Variants in MORN1 observed in about 807,000 individuals in gnomAD.
The protein encoded by MORN1 is MORN repeat containing 1.
A neutral mutation model predicts 61.9 loss-of-function variants in MORN1; 67 were observed. The ratio of observed to expected loss-of-function variants is 1.08; its 90% confidence interval spans 0.89 to 1.33. MORN1 has a LOEUF of 1.33. MORN1 is among the 40% of genes most tolerant of loss of function. The pLI is 0.00. For synonymous variants in MORN1, 301 were observed against 292.0 expected (o/e 1.03, Z -0.31); for missense variants, 752 against 691.2 (o/e 1.09, Z -0.99).
intron 10 of MORN1, among the ~76,000 whole-genome samples, chr1:2,348,777 GCACA>G (rs112331454): frequency 0.024 from 3,272 of 137,552 alleles, 180 homozygotes; most frequent in African/African-American, 0.091. Context: ...GCGCAGGCAC[GCACA>G]CACACGCACG....
At chr1:2,387,111 T>C in intron 4 of MORN1, 1 of 414,874 alleles carries the variant, frequency 2.4e-6, no homozygotes, top group South Asian at 2.9e-5. Context: ...GCCAACCTAC[T>C]GACCCCAGGA....
At chr1:2,340,901 T>C (rs1641380172) in intron 10 of MORN1, among the ~76,000 whole-genome samples, 1 of 152,156 alleles carries the variant, frequency 6.6e-6, no homozygotes, top group Non-Finnish European at 1.5e-5. Context: ...GACGGCCACA[T>C]AGGCCATGGC....
At chr1:2,358,404 G>A (rs1391332096) in intron 9 of MORN1, among the ~76,000 whole-genome samples, 188 bp downstream of exon 9, 1 of 152,154 alleles carries the variant, frequency 6.6e-6, no homozygotes, top group Non-Finnish European at 1.5e-5. Flanking sequence ...AAGGCAAGAG[G>A]GGCCACAGCA....
intron 10 of MORN1, chr1:2,352,594 C>G (rs896818231): frequency 6.6e-6 from 1 of 152,348 alleles, no homozygotes; most frequent in Non-Finnish European, 1.5e-5. Context: ...GTCCTGCTCT[C>G]TGACTGTGGC....
chr1:2,339,672 A>AT (rs1439282250), intron 10 of MORN1, among the ~76,000 whole-genome samples: 2 of 151,740 alleles, frequency 1.3e-5, no homozygotes, highest in Non-Finnish European at 2.9e-5. Context: ...AGTCGCTGGC[A>AT]CTGCCCTCAG....
At chr1:2,323,385 C>A in intron 13 of MORN1, 1 of 985,446 alleles carries the variant, frequency 1.0e-6, no homozygotes, top group Non-Finnish European at 1.2e-6. Context: ...CAGCCAGAAC[C>A]CCAGAGACAC....
chr1:2,340,781 C>T (rs917350558), intron 10 of MORN1, among the ~76,000 whole-genome samples: 1 of 152,174 alleles, frequency 6.6e-6, no homozygotes, highest in Non-Finnish European at 1.5e-5. Flanking sequence ...GCCACACAGG[C>T]CACCACGCAG....
chr1:2,328,156 C>T (rs533738446), intron 12 of MORN1, among the ~76,000 whole-genome samples: 4 of 152,402 alleles, frequency 2.6e-5, no homozygotes, highest in African/African-American at 9.6e-5. Context: ...CTCAGTCTTC[C>T]AGTCCATGAC....
intron 10 of MORN1, among the ~76,000 whole-genome samples, chr1:2,348,853 GCA>G (rs1300762910): frequency 7.9e-5 from 12 of 151,882 alleles, no homozygotes; most frequent in Admixed American, 1.3e-4. Flanking sequence ...GCGCGGGCAC[GCA>G]CAGTCATGTG....
chr1:2,336,891 G>T (rs1309658942), intron 10 of MORN1, 41 bp from the exon 11 acceptor site: 2 of 1,498,336 alleles, frequency 1.3e-6, no homozygotes, highest in African/African-American at 2.8e-5. Context: ...GAGGGGCTCA[G>T]GGCGGAGACG....
Position 2,372,445 on chromosome 1 carries a change from G to T in MORN1, c.745+36C>A. ...AGAACCTGCTGCCTGTTTCTCTTTTGGAAACGTTAGGTCATCTCCCCCTGG... is the reference window on the plus strand; with the variant it reads ...AGAACCTGCTGCCTGTTTCTCTTTTTGAAACGTTAGGTCATCTCCCCCTGG... On this transcript the variant is annotated intron_variant, in intron 8 of 13. Transcript: ENST00000378531. This position sits in a 1 kb window ranked among gnomAD's most constrained non-coding sequence, Gnocchi z 5.4. 1 of 1,515,456 alleles carries T rather than the reference G, an allele frequency of 6.6e-7. No individual in the cohort carries two copies. Among genetic ancestry groups the T allele is most frequent in the Non-Finnish European group, 9.1e-7 (1 of 1,102,318 alleles). 93.9% of individuals were successfully genotyped at this position (1,515,456 alleles called of 1,614,324 possible).
chr1:2,371,856 C>T (rs565244628), intron 8 of MORN1: 4 of 174,480 alleles, frequency 2.3e-5, no homozygotes, highest in East Asian at 3.8e-4. Flanking sequence ...TGCGGAGAGC[C>T]GACATTGCAC....
intron 6 of MORN1, among the ~76,000 whole-genome samples, chr1:2,383,101 C>A (rs1642408978): frequency 6.6e-6 from 1 of 152,210 alleles, no homozygotes; most frequent in Non-Finnish European, 1.5e-5. Context: ...ATGCCAACTG[C>A]CAACCCATCA....
chr1:2,390,481 C>A (rs552024602), intron 1 of MORN1: 4 of 985,290 alleles, frequency 4.1e-6, no homozygotes, highest in Non-Finnish European at 4.8e-6. Flanking sequence ...ATGGCCTGGC[C>A]GGCTTCATCT....
At chr1:2,385,541 A>G in intron 5 of MORN1, 1 of 182,500 alleles carries the variant, frequency 5.5e-6, no homozygotes, top group Non-Finnish European at 9.2e-6. Flanking sequence ...CTCAGGAGGT[A>G]TTTTAATCGG....
rs376880516 is a variant in MORN1, at chr1:2,390,133, G to A, written c.77-137C>T. ...ACGTCACCTTCAGCAGACCAGAGGC[G>A]ACCTGTGGGGCTCATGAGCTCTCCT... is the stretch of plus-strand genomic sequence containing the variant. On this transcript the variant is annotated intron_variant, in intron 1 of 13. Coordinates refer to ENST00000378531, the MANE Select transcript of MORN1 (RefSeq NM_024848.3). 35 of 753,652 alleles carry A rather than the reference G, an allele frequency of 4.6e-5. No individual in the cohort carries two copies. The East Asian group carries it at 5.0e-4, about 11-fold the overall frequency. The allele number at this position is 753,652 out of a possible 1,614,324, so 46.7% of individuals were successfully genotyped here. A position where few individuals can be genotyped will look rare whatever the true frequency, so the allele number is the denominator to read the frequency against.
intron 12 of MORN1, among the ~76,000 whole-genome samples, chr1:2,329,171 C>T (rs762426806): frequency 2.0e-5 from 3 of 152,112 alleles, no homozygotes; most frequent in South Asian, 2.1e-4. Flanking sequence ...GAAGAGTTAA[C>T]GGCCGCCCTG....
chr1:2,361,468 G>A (rs1641888928), intron 8 of MORN1, among the ~76,000 whole-genome samples: 1 of 152,122 alleles, frequency 6.6e-6, no homozygotes, highest in South Asian at 2.1e-4. Flanking sequence ...TGAGGCAGGA[G>A]AATCATTTGA....
intron 10 of MORN1, among the ~76,000 whole-genome samples, chr1:2,348,098 G>A (rs1641554087): frequency 6.6e-6 from 1 of 152,152 alleles, no homozygotes; most frequent in Admixed American, 6.5e-5. Context: ...ACATTGCAGC[G>A]AGCTCTCATT....
Sources: allele counts gnomAD v4.1 joint callset (sites outside exome capture counted in the v4.1 genomes callset), GRCh38; gene constraint gnomAD v4.1.1; non-coding constraint Gnocchi (gnomAD v3.1); transcripts MANE v1.5; gene names NCBI Gene and HGNC (gene_info 2026-07-23, HGNC 2026-07-21).